The following AHCYL2 variants were observed in gnomAD, a reference collection of about 807,000 sequenced individuals.
AHCYL2 encodes the protein adenosylhomocysteinase like 2.
A neutral mutation model predicts 81.4 loss-of-function variants in AHCYL2; 28 were observed. The ratio of observed to expected loss-of-function variants is 0.34; its 90% CI spans 0.25 to 0.47. The LOEUF (loss-of-function observed/expected upper bound fraction) is 0.47. AHCYL2 is among the 20% of genes least tolerant of loss of function. The pLI is 1.00. For missense variants in AHCYL2, 551 were observed against 785.1 expected (o/e 0.70, Z 3.56); for synonymous variants, 272 against 290.2 (o/e 0.94, Z 0.64).
chr7:129,229,635 A>G (rs1231555236), intron 1 of AHCYL2, among the ~76,000 whole-genome samples: 1 of 152,200 alleles, frequency 6.6e-6, no homozygotes, highest in Non-Finnish European at 1.5e-5. Flanking sequence ...TAGAATACTA[A>G]GTGAACTCTA....
At chr7:129,231,969 A>G (rs1794459396) in intron 1 of AHCYL2, among the ~76,000 whole-genome samples, 1 of 151,916 alleles carries the variant, frequency 6.6e-6, no homozygotes, top group Non-Finnish European at 1.5e-5. Context: ...ATCAGTAGAA[A>G]TCTATTGGTT....
chr7:129,393,273 C>G (rs1795557956), intron 4 of AHCYL2, among the ~76,000 whole-genome samples: 1 of 152,076 alleles, frequency 6.6e-6, no homozygotes, highest in Admixed American at 6.6e-5. Context: ...CAAAAGTTAG[C>G]CAGGTGTGGT....
intron 1 of AHCYL2, among the ~76,000 whole-genome samples, chr7:129,331,684 A>G (rs1798428324): frequency 6.6e-6 from 1 of 151,990 alleles, no homozygotes; most frequent in South Asian, 2.1e-4. Context: ...TCTACTAAAA[A>G]TACAAAAATT....
intron 1 of AHCYL2, among the ~76,000 whole-genome samples, chr7:129,238,788 T>C (rs1365096093): frequency 6.6e-6 from 1 of 152,116 alleles, no homozygotes; most frequent in African/African-American, 2.4e-5. Context: ...CTGTCTCTAC[T>C]AAAAATACAG....
intron 1 of AHCYL2, among the ~76,000 whole-genome samples, chr7:129,246,057 G>C (rs1795044304): frequency 6.6e-6 from 1 of 151,268 alleles, no homozygotes; most frequent in Non-Finnish European, 1.5e-5. Flanking sequence ...AAGTATGTTG[G>C]ATTTGTTTTT....
At position 129,426,256 on chromosome 7, in the gene AHCYL2, C is replaced by T. The variant is rs565068079; in HGVS notation, c.1709-187C>T. Among the ~76,000 whole-genome samples the T allele has an allele frequency of 6.6e-6, 1 of 152,330 alleles. No homozygotes were observed. Among genetic ancestry groups the T allele is most frequent in the African/African-American group, 2.4e-5 (1 of 41,578 alleles). ...GATGAATTATTAAGGCTTTGGAAAGCACTGGGCTTGAAGCTGAAGGCAGCT... is the reference window on the plus strand; with the variant it reads ...GATGAATTATTAAGGCTTTGGAAAGTACTGGGCTTGAAGCTGAAGGCAGCT... On this transcript the variant is annotated intron_variant, in intron 15 of 16. Coordinates refer to ENST00000325006, the MANE Select transcript of AHCYL2 (RefSeq NM_015328.4). The surrounding 1 kb of genome is among the most constrained non-coding windows in gnomAD (Gnocchi z 4.3).
intron 1 of AHCYL2, among the ~76,000 whole-genome samples, chr7:129,229,191 C>T (rs1056533385): frequency 6.6e-6 from 1 of 152,052 alleles, no homozygotes; most frequent in Non-Finnish European, 1.5e-5. Context: ...CCTCAGCTTC[C>T]TGAGTAGCTG....
intron 1 of AHCYL2, among the ~76,000 whole-genome samples, chr7:129,276,553 C>G (rs1391521371): frequency 6.6e-6 from 1 of 151,382 alleles, no homozygotes; most frequent in Non-Finnish European, 1.5e-5. Context: ...GAGTTCAAGA[C>G]CAGCCTGGCC....
chr7:129,266,811 T>A (rs1348401664), intron 1 of AHCYL2, among the ~76,000 whole-genome samples: 1 of 152,200 alleles, frequency 6.6e-6, no homozygotes, highest in Non-Finnish European at 1.5e-5. Flanking sequence ...CAAATTAGAA[T>A]GTAATAAATA....
At chr7:129,337,315 T>G (rs564221554) in intron 1 of AHCYL2, among the ~76,000 whole-genome samples, 27 of 152,184 alleles carry the variant, frequency 1.8e-4, no homozygotes, top group Non-Finnish European at 2.6e-4. Flanking sequence ...TGGAGATAGT[T>G]TATATCAAAA....
At chr7:129,225,897 CAG>C (rs941425967) in intron 1 of AHCYL2, among the ~76,000 whole-genome samples, 2 of 152,188 alleles carry the variant, frequency 1.3e-5, no homozygotes, top group African/African-American at 4.8e-5. Flanking sequence ...TAGAAATCGT[CAG>C]AGTTGTCTGG....
At chr7:129,226,478 G>A (rs1156874020) in intron 1 of AHCYL2, among the ~76,000 whole-genome samples, 2 of 152,188 alleles carry the variant, frequency 1.3e-5, no homozygotes, top group African/African-American at 4.8e-5. Context: ...TATGGGCACA[G>A]GGATTAATGT....
intron 1 of AHCYL2, chr7:129,375,780 G>A: frequency 6.6e-7 from 1 of 1,520,438 alleles, no homozygotes; most frequent in Non-Finnish European, 8.8e-7. Context: ...TGGAACCAGA[G>A]CCAACAGAAT....
At chr7:129,358,842 T>C (rs1482318427) in intron 1 of AHCYL2, among the ~76,000 whole-genome samples, 1 of 152,178 alleles carries the variant, frequency 6.6e-6, no homozygotes, top group Non-Finnish European at 1.5e-5. Flanking sequence ...GACACCATTA[T>C]CTAGAAAGGC....
intron 12 of AHCYL2, among the ~76,000 whole-genome samples, chr7:129,421,066 C>T (rs1797094358): frequency 6.6e-6 from 1 of 152,092 alleles, no homozygotes; most frequent in Non-Finnish European, 1.5e-5. Context: ...GCCTGGTCAA[C>T]ATGGTGAAAC....
chr7:129,321,772 G>GTTTTTTTTTTTTTTTTTTTTTTTT (rs1217148394), intron 1 of AHCYL2, among the ~76,000 whole-genome samples: 15 of 114,412 alleles, frequency 1.3e-4, no homozygotes, highest in South Asian at 2.9e-4. Flanking sequence ...TTTGGTCTTG[G>GTTTTTTTTTTTTTTTTTTTTTTTT]TTTTGTTTTT....
At chr7:129,338,495 A>G (rs951395028) in intron 1 of AHCYL2, among the ~76,000 whole-genome samples, 4 of 152,204 alleles carry the variant, frequency 2.6e-5, no homozygotes, top group Non-Finnish European at 5.9e-5. Flanking sequence ...ATGGCTTTTC[A>G]TGGAGAATAG....
intron 1 of AHCYL2, among the ~76,000 whole-genome samples, chr7:129,361,186 G>T (rs79824926): frequency 0.011 from 1,704 of 152,352 alleles, 7 homozygotes; most frequent in Non-Finnish European, 0.018. Context: ...TACAGCTGGT[G>T]TGAGGAAGAT....
At chr7:129,392,148 T>C (rs1563230002) in intron 4 of AHCYL2, among the ~76,000 whole-genome samples, 1 of 152,222 alleles carries the variant, frequency 6.6e-6, no homozygotes, top group Non-Finnish European at 1.5e-5. Flanking sequence ...CCAATTTTAA[T>C]ATTAATTTAT....
Sources: gnomAD v4.1 joint callset for allele counts (sites outside exome capture counted in the v4.1 genomes callset) on GRCh38, gnomAD v4.1.1 for gene constraint, Gnocchi (gnomAD v3.1) non-coding constraint, MANE v1.5 for transcripts, NCBI Gene and HGNC (gene_info 2026-07-23, HGNC 2026-07-21) for gene names.